Variants in BABAM2 observed in about 807,000 individuals in gnomAD.
BABAM2 encodes the protein BRISC and BRCA1-A complex member 2.
A neutral mutation model predicts 54.7 loss-of-function variants in BABAM2; 31 were observed. The ratio of observed to expected loss-of-function variants is 0.57; its 90% CI spans 0.43 to 0.77. BABAM2 has a LOEUF of 0.77. Among genes scored for constraint, BABAM2 ranks in the 30% least tolerant of loss-of-function variants. The pLI, the probability that BABAM2 is intolerant of heterozygous loss-of-function variation, is 0.00. For synonymous variants in BABAM2, 167 were observed against 162.9 expected, an observed-to-expected ratio of 1.03 and a Z score of -0.19; for missense variants, 364 against 455.8, an observed-to-expected ratio of 0.80 and a Z score of 1.83.
chr2:28,155,501 A>G (rs2147792391), intron 7 of BABAM2, among the ~76,000 whole-genome samples: 1 of 152,266 alleles, frequency 6.6e-6, no homozygotes, highest in African/African-American at 2.4e-5. Context: ...TGACTTATAC[A>G]ATACTGTTCT....
intron 2 of BABAM2, among the ~76,000 whole-genome samples, chr2:27,922,285 A>G (rs2148332913): frequency 6.6e-6 from 1 of 152,346 alleles, no homozygotes; most frequent in South Asian, 2.1e-4. Flanking sequence ...AAGGAGTATA[A>G]CATAGCGCTT....
At chr2:27,958,410 TG>T (rs1005998140) in intron 3 of BABAM2, among the ~76,000 whole-genome samples, 7 of 151,658 alleles carry the variant, frequency 4.6e-5, no homozygotes, top group Admixed American at 4.0e-4. Flanking sequence ...TCACAACTGA[TG>T]ACAGTAAACA....
At chr2:28,123,945 A>T (rs1286367288) in intron 6 of BABAM2, among the ~76,000 whole-genome samples, 1 of 152,216 alleles carries the variant, frequency 6.6e-6, no homozygotes, top group African/African-American at 2.4e-5. Context: ...CTTTATTGAA[A>T]TAGTAGTGAA....
intron 2 of BABAM2, among the ~76,000 whole-genome samples, chr2:27,915,920 TTC>T (rs1181077487): frequency 2.0e-5 from 3 of 152,204 alleles, no homozygotes; most frequent in Non-Finnish European, 4.4e-5. Flanking sequence ...TTTCCATCTA[TTC>T]TTTCCTTTAC....
intron 7 of BABAM2, among the ~76,000 whole-genome samples, chr2:28,164,039 G>T (rs935916936): frequency 6.6e-6 from 1 of 152,164 alleles, no homozygotes; most frequent in Non-Finnish European, 1.5e-5. Context: ...GATTGCAAAA[G>T]GCACATCTGG....
intron 5 of BABAM2, among the ~76,000 whole-genome samples, chr2:28,041,758 A>G (rs1677118848): frequency 6.6e-6 from 1 of 152,122 alleles, no homozygotes; most frequent in South Asian, 2.1e-4. Flanking sequence ...TAACTTGTCA[A>G]ATTACTCTGT....
chr2:28,176,569 C>CAAAAAAAAAAA (rs778275011), intron 7 of BABAM2, among the ~76,000 whole-genome samples: 134 of 5,038 alleles, frequency 0.027, 53 homozygotes, highest in Non-Finnish European at 0.031. Context: ...GACTCTATCT[C>CAAAAAAAAAAA]AAAAAAAAAA....
At chr2:28,003,283 C>A (rs976490588) in intron 4 of BABAM2, among the ~76,000 whole-genome samples, 8 of 152,162 alleles carry the variant, frequency 5.3e-5, no homozygotes, top group African/African-American at 1.9e-4. Flanking sequence ...GTGATTATTT[C>A]ATGGGGAAAT....
chr2:28,298,011 TGTCAGATG>T (rs1687833118), intron 10 of BABAM2, among the ~76,000 whole-genome samples: 1 of 152,216 alleles, frequency 6.6e-6, no homozygotes, highest in Non-Finnish European at 1.5e-5. Context: ...TAGAGAGGAA[TGTCAGATG>T]GTTGCAGGCA....
intron 10 of BABAM2, among the ~76,000 whole-genome samples, chr2:28,250,588 T>TTC (rs1282039271): frequency 6.7e-6 from 1 of 148,680 alleles, no homozygotes; most frequent in Non-Finnish European, 1.5e-5. Flanking sequence ...TTTTTTCTTT[T>TTC]TTTTTTGTTT....
rs535090628 is a variant in BABAM2, at chr2:28,196,453, C to T, written c.681-40749C>T. Among the ~76,000 whole-genome samples the T allele has an allele frequency of 5.2e-4, 79 of 152,258 alleles. 1 individual carries two copies. Among genetic ancestry groups the T allele is most frequent in the African/African-American group, 1.6e-3 (65 of 41,558 alleles). ...GTTAAAGTACTCACTCTGCCATTAA[C>T]GTGACATGTATCTGTGAGCTTGTCA... On this transcript the variant is annotated intron_variant, in intron 7 of 11. Coordinates refer to ENST00000379624, the MANE Select transcript of BABAM2 (RefSeq NM_199191.3).
chr2:28,046,627 T>C (rs1677599057), intron 6 of BABAM2, among the ~76,000 whole-genome samples: 1 of 152,136 alleles, frequency 6.6e-6, no homozygotes, highest in African/African-American at 2.4e-5. Context: ...CATAACTGCC[T>C]AGAGAAAAGA....
intron 5 of BABAM2, among the ~76,000 whole-genome samples, chr2:28,027,990 A>T (rs1292099363): frequency 2.6e-5 from 4 of 152,198 alleles, no homozygotes. Context: ...AACATTTATT[A>T]TCATAGTTTT....
chr2:28,292,993 T>A (rs1687412299), intron 10 of BABAM2, among the ~76,000 whole-genome samples: 1 of 152,214 alleles, frequency 6.6e-6, no homozygotes, highest in African/African-American at 2.4e-5. Context: ...AGCTGGGATG[T>A]ATGGAGCTTT....
chr2:28,320,398 A>C (rs1189374582), intron 11 of BABAM2, among the ~76,000 whole-genome samples: 1 of 152,240 alleles, frequency 6.6e-6, no homozygotes, highest in Admixed American at 6.5e-5. Context: ...TGTGACAGGA[A>C]GGTAAAGGAC....
At chr2:28,072,939 C>T (rs1664302520) in intron 6 of BABAM2, among the ~76,000 whole-genome samples, 1 of 152,198 alleles carries the variant, frequency 6.6e-6, no homozygotes, top group Non-Finnish European at 1.5e-5. Context: ...TCCTGTTTCC[C>T]AAACTGGATT....
At chr2:28,252,373 T>C (rs1683579794) in intron 10 of BABAM2, among the ~76,000 whole-genome samples, 2 of 152,190 alleles carry the variant, frequency 1.3e-5, no homozygotes, top group Non-Finnish European at 2.9e-5. Context: ...TTAGATACTT[T>C]TACATTTTGG....
At chr2:28,001,162 A>G (rs1287010630) in intron 4 of BABAM2, among the ~76,000 whole-genome samples, 1 of 152,198 alleles carries the variant, frequency 6.6e-6, no homozygotes, top group Non-Finnish European at 1.5e-5. Flanking sequence ...CTGTACCTAT[A>G]TTAAGGGAAA....
intron 6 of BABAM2, among the ~76,000 whole-genome samples, chr2:28,053,965 A>G (rs1023432376): frequency 2.6e-5 from 4 of 152,184 alleles, no homozygotes; most frequent in Non-Finnish European, 5.9e-5. Context: ...AAACATCACT[A>G]TGTTTTTCAT....
Sources: allele counts gnomAD v4.1 joint callset (sites outside exome capture counted in the v4.1 genomes callset), GRCh38; gene constraint gnomAD v4.1.1; transcripts MANE v1.5; gene names NCBI Gene and HGNC (gene_info 2026-07-23, HGNC 2026-07-21).